NXPE3: variants seen among roughly 807,000 people sequenced by gnomAD.
NXPE3 encodes the protein NXPE family member 3.
Under a neutral mutation model 46.1 loss-of-function variants are expected in NXPE3, and 26 were observed. The observed-to-expected ratio is 0.56, with a 90% confidence interval of 0.41 to 0.78. NXPE3 has a LOEUF of 0.78. Among genes scored for constraint, NXPE3 ranks in the 30% least tolerant of loss-of-function variants. The pLI is 0.00. For synonymous variants in NXPE3, 272 were observed against 257.9 expected, an observed-to-expected ratio of 1.05 and a Z score of -0.52; for missense variants, 620 against 686.0, an observed-to-expected ratio of 0.90 and a Z score of 1.07.
In NXPE3 at chr3:101,801,964, G is replaced by A. The variant is rs375557339; in HGVS notation, c.823G>A (p.Ala275Thr). ...TGGATACCTGAAAGGTCTCCTAACCGCTGCAGAGAGTGCTTTCTTCCAGAG... is the reference window on the plus strand; with the variant it reads ...TGGATACCTGAAAGGTCTCCTAACCACTGCAGAGAGTGCTTTCTTCCAGAG... Reference protein sequence around the residue: ...KGGYLKGLLTAAESAFFQSGV... With the variant: ...KGGYLKGLLTTAESAFFQSGV... The change falls in exon 5 of 8, where the codon GCT becomes ACT. Residue 275 changes from alanine to threonine, a missense_variant. Physicochemically the swap from Ala to Thr is moderately conservative, Grantham distance 58 (BLOSUM62 0). Around this residue, in one of 3 missense-constraint regions of NXPE3, gnomAD observed 511 missense variants for 528.6 expected, o/e 0.97. Coordinates refer to ENST00000273347, the MANE Select transcript of NXPE3 (RefSeq NM_145037.4). The A allele has an allele frequency of 3.1e-6, 5 of 1,609,506 alleles. No individual in the cohort carries two copies. The highest frequency in any genetic ancestry group is 1.1e-5 in the South Asian group (1 of 90,810).
chr3:101,804,612 T>G (rs1941322372), intron 5 of NXPE3, among the ~76,000 whole-genome samples: 1 of 152,212 alleles, frequency 6.6e-6, no homozygotes, highest in Non-Finnish European at 1.5e-5. Flanking sequence ...GGGGGATCTT[T>G]GGGTATACTG....
intron 5 of NXPE3, 58 bp from the exon 6 acceptor site, chr3:101,806,993 CAT>C (rs1553802567): frequency 9.9e-6 from 11 of 1,107,654 alleles, no homozygotes; most frequent in Non-Finnish European, 1.4e-5. Context: ...CCAATAAAGA[CAT>C]ATATCTGAAA....
In NXPE3 at chr3:101,799,169, G is replaced by A. The variant is rs529657242; in HGVS notation, c.94-2066G>A. Among the ~76,000 whole-genome samples, 8 of 151,948 alleles carry A rather than the reference G, an allele frequency of 5.3e-5. No homozygotes were observed. The South Asian group carries it at 1.2e-3, about 24-fold the overall frequency. On this transcript the variant is annotated intron_variant, in intron 4 of 7. Coordinates refer to ENST00000273347, the MANE Select transcript of NXPE3 (RefSeq NM_145037.4). ...TTCCCAGGTTGGTCTTGAACTCCTG[G>A]CCTCAAGCAGTTCTTCTGCTTCAGC...
chr3:101,822,404 G>GA lies in NXPE3; in HGVS notation c.*451dup, dbSNP rs1490355237. ...TAATCCATCTTCTGGCGGTTAACTA[G>GA]AGAAAGCTTATAGTCAGAGGCTCTT... On this transcript the variant is annotated 3_prime_UTR_variant, in exon 8 of 8. Transcript: ENST00000273347. 1 of 158,650 alleles carries GA rather than the reference G, an allele frequency of 6.3e-6. No individual in the cohort carries two copies. Among genetic ancestry groups the GA allele is most frequent in the African/African-American group, 2.4e-5 (1 of 41,532 alleles). The allele number at this position is 158,650 out of a possible 1,614,324, so 9.8% of individuals were successfully genotyped here. A position where few individuals can be genotyped will look rare whatever the true frequency, so the allele number is the denominator to read the frequency against.
At chr3:101,800,832 G>A (rs1941098817) in intron 4 of NXPE3, among the ~76,000 whole-genome samples, 1 of 151,892 alleles carries the variant, frequency 6.6e-6, no homozygotes, top group Non-Finnish European at 1.5e-5. Flanking sequence ...CTTTGGATTA[G>A]TGTTAGCATG....
chr3:101,782,906 C>T (rs192933496), intron 3 of NXPE3, 126 bp downstream of exon 3: 1 of 152,296 alleles, frequency 6.6e-6, no homozygotes, highest in African/African-American at 2.4e-5. Flanking sequence ...TTTTGGCCTC[C>T]CAAAGTGTTG....
chr3:101,785,369 T>G, intron 3 of NXPE3, 33 bp from the exon 4 acceptor site: 1 of 491,046 alleles, frequency 2.0e-6, no homozygotes, highest in South Asian at 2.2e-5. Flanking sequence ...GCCATTGCAA[T>G]TGGTGATGTT....
In NXPE3 at chr3:101,826,028, A is replaced by G. The variant is rs998073190; in HGVS notation, c.*4074A>G. ...ATTCATTTTGCCATTCTGAACAACT[A>G]TCATTTTAATTAAGACCATTTAACT... On this transcript the variant is annotated 3_prime_UTR_variant, in exon 8 of 8. Transcript: ENST00000273347. The G allele has an allele frequency of 6.6e-6, 1 of 152,194 alleles. No individual in the cohort carries two copies. Among genetic ancestry groups the G allele is most frequent in the Non-Finnish European group, 1.5e-5 (1 of 68,020 alleles). 9.4% of individuals were successfully genotyped at this position (152,194 alleles called of 1,614,324 possible).
chr3:101,792,342 C>G (rs1273455407), intron 4 of NXPE3, among the ~76,000 whole-genome samples: 1 of 152,112 alleles, frequency 6.6e-6, no homozygotes, highest in African/African-American at 2.4e-5. Context: ...TTGCCCATTC[C>G]TATGTCTGGG....
chr3:101,786,284 A>G (rs527840739), intron 4 of NXPE3, among the ~76,000 whole-genome samples: 1 of 152,356 alleles, frequency 6.6e-6, no homozygotes, highest in South Asian at 2.1e-4. Flanking sequence ...GAGTTTCTGT[A>G]TAAAGGATGC....
At chr3:101,808,437 C>T (rs1466397346) in intron 6 of NXPE3, among the ~76,000 whole-genome samples, 2 of 152,098 alleles carry the variant, frequency 1.3e-5, no homozygotes, top group South Asian at 2.1e-4. Flanking sequence ...ATATTAGCCA[C>T]AAGCCTTGTA....
intron 4 of NXPE3, among the ~76,000 whole-genome samples, chr3:101,790,521 G>A (rs914774497): frequency 6.6e-6 from 1 of 152,160 alleles, no homozygotes; most frequent in African/African-American, 2.4e-5. Context: ...AATGTACTCT[G>A]TATGATATTA....
chr3:101,815,753 C>T (rs534913913), intron 6 of NXPE3, among the ~76,000 whole-genome samples: 61 of 152,178 alleles, frequency 4.0e-4, no homozygotes, highest in Non-Finnish European at 6.5e-4. Context: ...AATCCCAGCA[C>T]TTTGGGAGGC....
chr3:101,819,215 A>G (rs956455483), intron 7 of NXPE3, among the ~76,000 whole-genome samples: 2 of 152,162 alleles, frequency 1.3e-5, no homozygotes, highest in African/African-American at 4.8e-5. Context: ...ATATTAGTTA[A>G]ATTGGATTGT....
chr3:101,816,730 G>A, intron 6 of NXPE3, 65 bp from the exon 7 acceptor site: 1 of 1,262,986 alleles, frequency 7.9e-7, no homozygotes, highest in Non-Finnish European at 1.1e-6. Flanking sequence ...ATTGTTTCTT[G>A]GGACATTTTT....
At chr3:101,795,177 T>C (rs1471616445) in intron 4 of NXPE3, among the ~76,000 whole-genome samples, 2 of 152,222 alleles carry the variant, frequency 1.3e-5, no homozygotes, top group African/African-American at 4.8e-5. Flanking sequence ...ACTCTTATGA[T>C]TGGAGTATCT....
intron 7 of NXPE3, among the ~76,000 whole-genome samples, chr3:101,818,405 T>C (rs1029616879): frequency 3.3e-5 from 5 of 152,078 alleles, no homozygotes; most frequent in Non-Finnish European, 7.4e-5. Flanking sequence ...AGGGCCTTCC[T>C]AGGTGTCTGT....
chr3:101,801,577 G>C lies in NXPE3; in HGVS notation c.436G>C (p.Ala146Pro), dbSNP rs1359984713. The C allele has an allele frequency of 1.2e-6, 2 of 1,614,202 alleles. No homozygotes were observed. Among genetic ancestry groups the C allele is most frequent in the African/African-American group, 2.7e-5 (2 of 75,044 alleles). The change falls in exon 5 of 8, where the codon GCC becomes CCC. Residue 146 changes from alanine (A) to proline (P), a missense_variant. Physicochemically the swap from Ala to Pro is conservative, Grantham distance 27. Coordinates refer to ENST00000273347, the MANE Select transcript of NXPE3 (RefSeq NM_145037.4). ...PKKYGGDYLQ[A>P]RIHSLKLQAG... ...GAAGTATGGTGGAGACTACCTGCAG[G>C]CCAGAATTCACTCCCTCAAGCTGCA...
At chr3:101,795,889 T>C (rs1940804711) in intron 4 of NXPE3, among the ~76,000 whole-genome samples, 1 of 152,196 alleles carries the variant, frequency 6.6e-6, no homozygotes, top group Non-Finnish European at 1.5e-5. Context: ...TCCTTCATGG[T>C]TGATTGTAGG....
Sources: gnomAD v4.1 joint callset for allele counts (sites outside exome capture counted in the v4.1 genomes callset) on GRCh38, gnomAD v4.1.1 for gene constraint, gnomAD v4.1.1 regional missense constraint, MANE v1.5 for transcripts, NCBI Gene and HGNC (gene_info 2026-07-23, HGNC 2026-07-21) for gene names.